Variants in PXDN observed in about 807,000 individuals in gnomAD.
PXDN encodes peroxidasin, also known as peroxidasin homolog.
PXDN carries 77 observed loss-of-function variants against 140.3 expected under a neutral mutation model. The observed-to-expected ratio is 0.55, with a 90% CI of 0.46 to 0.66. The LOEUF is 0.66. Among genes scored for constraint, PXDN ranks in the 30% least tolerant of loss-of-function variants. The pLI, the probability that PXDN is intolerant of heterozygous loss-of-function variation, is 0.00. For synonymous variants in PXDN, 911 were observed against 857.4 expected, an observed-to-expected ratio of 1.06 and a Z score of -1.09; for missense variants, 1,838 against 2,039.5, an observed-to-expected ratio of 0.90 and a Z score of 1.90.
chr2:1,740,872 C>T (rs965963606), intron 1 of PXDN, among the ~76,000 whole-genome samples: 3 of 152,188 alleles, frequency 2.0e-5, no homozygotes, highest in African/African-American at 4.8e-5. Flanking sequence ...GGAGGCCCCG[C>T]CCTGGCTGCC....
At position 1,657,023 on chromosome 2, in the gene PXDN, AC is replaced by A. The variant is rs369559205; in HGVS notation, c.1838-2516del. 9.7e-4 allele frequency among the ~76,000 whole-genome samples: 137 copies of A among 141,618 alleles called. 2 individuals are homozygous for A. Among genetic ancestry groups the A allele is most frequent in the African/African-American group, 3.6e-3 (134 of 37,248 alleles). 92.9% of individuals were successfully genotyped at this position (141,618 alleles called of 152,430 possible). A position where few individuals can be genotyped will look rare whatever the true frequency, so the allele number is the denominator to read the frequency against. On this transcript the variant is annotated intron_variant, in intron 14 of 22. Coordinates refer to ENST00000252804, the MANE Select transcript of PXDN (RefSeq NM_012293.3). ...AACTGCCCTCTCCTGACTAAAACCTACCCCCTGCTGACAGGGACTGACCTTG... is the reference window on the plus strand; with the variant it reads ...AACTGCCCTCTCCTGACTAAAACCTACCCCTGCTGACAGGGACTGACCTTG...
chr2:1,709,940 G>A (rs1055292900), intron 1 of PXDN, among the ~76,000 whole-genome samples: 11 of 152,146 alleles, frequency 7.2e-5, no homozygotes, highest in Non-Finnish European at 1.3e-4. Context: ...AAATAAATCT[G>A]TGATTCAAGC....
At chr2:1,653,915 C>A in intron 15 of PXDN, 130 bp from the exon 16 acceptor site, 5 of 1,128,572 alleles carry the variant, frequency 4.4e-6, no homozygotes, top group Non-Finnish European at 6.1e-6. Flanking sequence ...ATGTACTATA[C>A]CTTCCTCATC....
intron 1 of PXDN, among the ~76,000 whole-genome samples, chr2:1,718,571 C>T (rs193102922): frequency 3.0e-4 from 46 of 152,328 alleles, no homozygotes; most frequent in African/African-American, 1.1e-3. Flanking sequence ...CCCAAACCTA[C>T]TTTATTAACC....
At chr2:1,733,748 CAAAAA>C (rs72208257) in intron 1 of PXDN, among the ~76,000 whole-genome samples, 14 of 79,250 alleles carry the variant, frequency 1.8e-4, no homozygotes, top group East Asian at 6.1e-4. Context: ...TGTCAAATGA[CAAAAA>C]AAAAAAAAAA....
rs780135134 is a variant in PXDN, at chr2:1,649,466, C to T, written c.2314G>A (p.Glu772Lys). Residue 772 changes from glutamate to lysine, a missense_variant, in exon 17 of 23, where the codon GAG becomes AAG. By Grantham distance (56) the Glu-to-Lys change is moderately conservative. This residue lies in a region of PXDN where 537 missense variants were observed against 583.9 expected (regional missense o/e 0.92). Transcript: ENST00000252804. This position sits in a 1 kb window ranked among gnomAD's most constrained non-coding sequence, Gnocchi z 7.1. Reference sequence around the variant, plus strand: ...CCCCGAGGGGTGTTGAAGCCATTCTCGTACACGGATTTCAGCAGGCGCTCG... The same window carrying T: ...CCCCGAGGGGTGTTGAAGCCATTCTTGTACACGGATTTCAGCAGGCGCTCG... The part of the protein sequence containing the change: ...AFERLLKSVY[E>K]NGFNTPRGIN... 8.1e-6 allele frequency: 13 copies of T among 1,613,876 alleles called. No homozygotes were observed. The East Asian group carries it at 2.0e-4, about 25-fold the overall frequency.
intron 14 of PXDN, among the ~76,000 whole-genome samples, chr2:1,659,822 AGGAATTCCATTAC>A (rs1683261158): frequency 6.6e-6 from 1 of 152,220 alleles, no homozygotes; most frequent in African/African-American, 2.4e-5. Flanking sequence ...AAAGTCTTTG[AGGAATTCCATTAC>A]GGTTCACATT....
chr2:1,677,089 A>C (rs1216166471), intron 7 of PXDN, 45 bp from the exon 8 acceptor site: 1 of 1,482,794 alleles, frequency 6.7e-7, no homozygotes, highest in East Asian at 2.4e-5. Context: ...CTAAACCATG[A>C]CATGAAAATA....
chr2:1,635,394 C>A lies in PXDN; in HGVS notation c.4320+14G>T. On this transcript the variant is annotated intron_variant, in intron 22 of 22. Transcript: ENST00000252804. ...TATACCTTAGGACATGAAGATAGAG[C>A]CCCCCATACTCACTTTGCATTCACA... 6.4e-7 allele frequency: 1 copy of A among 1,558,448 alleles called. No homozygotes were observed. Among genetic ancestry groups the A allele is most frequent in the Non-Finnish European group, 8.7e-7 (1 of 1,147,896 alleles).
In PXDN at chr2:1,654,504, AG is replaced by A; in HGVS notation, c.1841del (p.Pro614LeufsTer11). The part of the protein sequence containing the change: ...SVSMVLSVNV[P>X]DVSRNGDPFV... Reference sequence around the variant, plus strand: ...ACGGATCTCCATTTCGACTGACGTCAGGAACTAGGAAAATACAAAGTCGCGT... The same window carrying A: ...ACGGATCTCCATTTCGACTGACGTCAGAACTAGGAAAATACAAAGTCGCGT... On this transcript the variant is annotated frameshift_variant, in exon 15 of 23. Transcript: ENST00000252804. LOFTEE classifies it high-confidence loss of function. 1 of 1,609,668 alleles carries A rather than the reference AG, an allele frequency of 6.2e-7. No homozygotes were observed. Among genetic ancestry groups the A allele is most frequent in the Non-Finnish European group, 8.5e-7 (1 of 1,176,090 alleles).
At chr2:1,679,182 G>A (rs542754195) in intron 7 of PXDN, among the ~76,000 whole-genome samples, 3 of 150,314 alleles carry the variant, frequency 2.0e-5, no homozygotes, top group South Asian at 4.2e-4. Flanking sequence ...TGGTGTGTGC[G>A]TGTATGTGCG....
chr2:1,679,849 ATGTGCGTG>A (rs1303029228), intron 7 of PXDN, among the ~76,000 whole-genome samples: 1 of 105,024 alleles, frequency 9.5e-6, no homozygotes, highest in Non-Finnish European at 1.9e-5. Context: ...GTGTGTGTGT[ATGTGCGTG>A]TGTGTGGTTT....
At chr2:1,729,029 CG>C (rs55786843) in intron 1 of PXDN, among the ~76,000 whole-genome samples, 58,292 of 151,842 alleles carry the variant, frequency 0.38, 12,211 homozygotes, top group Admixed American at 0.48. Context: ...CCTCCCAGTG[CG>C]GGGCCCGGTG....
intron 14 of PXDN, among the ~76,000 whole-genome samples, chr2:1,659,621 T>G: frequency 6.6e-6 from 1 of 152,168 alleles, no homozygotes; most frequent in East Asian, 1.9e-4. Flanking sequence ...TCAGATGTAA[T>G]TAATTCATGT....
rs76527200 is a variant in PXDN at position 1,685,053 on chromosome 2, C to T, written c.417-902G>A. ...CCACAGAAAGGAGGACTCCTCAGAA[C>T]GCACGCCTGAGAATCAGGTCTGTGG... On this transcript the variant is annotated intron_variant, in intron 4 of 22. Coordinates refer to ENST00000252804, the MANE Select transcript of PXDN (RefSeq NM_012293.3). The surrounding 1 kb of genome is among the most constrained non-coding windows in gnomAD (Gnocchi z 5.1). Among the ~76,000 whole-genome samples the T allele has an allele frequency of 1.7e-4, 26 of 152,324 alleles. No homozygotes were observed. The East Asian group carries it at 2.3e-3, about 14-fold the overall frequency.
chr2:1,744,306 C>T lies in PXDN; in HGVS notation c.150G>A (p.Met50Ile). The change falls in exon 1 of 23, where the codon ATG becomes ATA. Residue 50 changes from methionine (M) to isoleucine (I), a missense_variant. Around this residue, in one of 5 missense-constraint regions of PXDN, gnomAD observed 231 missense variants for 201.5 expected, o/e 1.15. Transcript: ENST00000252804. ...CGGGCACGGCCTCCAGCAGCAGATGCATGCAGCGCACGGTGGTGCGGAAGC... is the reference window on the plus strand; with the variant it reads ...CGGGCACGGCCTCCAGCAGCAGATGTATGCAGCGCACGGTGGTGCGGAAGC... ...CLCFRTTVRC[M>I]HLLLEAVPAV... The T allele has an allele frequency of 6.5e-7, 1 of 1,526,738 alleles. No individual in the cohort carries two copies. Among genetic ancestry groups the T allele is most frequent in the Non-Finnish European group, 8.7e-7 (1 of 1,143,238 alleles). 94.6% of individuals were successfully genotyped at this position (1,526,738 alleles called of 1,614,324 possible).
At chr2:1,635,724 C>T (rs764447302) in intron 21 of PXDN, 1 of 578,720 alleles carries the variant, frequency 1.7e-6, no homozygotes, top group East Asian at 3.1e-5. Flanking sequence ...GGAAGACATT[C>T]CCACCACCGT....
intron 1 of PXDN, among the ~76,000 whole-genome samples, chr2:1,713,480 CCTGCGGGTGA>C (rs1439395768): frequency 6.6e-6 from 1 of 152,186 alleles, no homozygotes; most frequent in Admixed American, 6.5e-5. Context: ...ATTCCAGACT[CCTGCGGGTGA>C]CTGCAGGCTG....
intron 7 of PXDN, among the ~76,000 whole-genome samples, chr2:1,677,555 G>A (rs544887213): frequency 2.0e-4 from 30 of 152,308 alleles, no homozygotes; most frequent in Admixed American, 1.6e-3. Flanking sequence ...TGGGCAAGGG[G>A]AGAATGGCCT....
Sources: gnomAD v4.1 joint callset for allele counts (sites outside exome capture counted in the v4.1 genomes callset) on GRCh38, gnomAD v4.1.1 for gene constraint, gnomAD v4.1.1 regional missense constraint, Gnocchi (gnomAD v3.1) non-coding constraint, MANE v1.5 for transcripts, NCBI Gene and HGNC (gene_info 2026-07-23, HGNC 2026-07-21) for gene names.